The following RBCK1 variants were observed in gnomAD, a reference collection of about 807,000 sequenced individuals.
RBCK1 encodes ranBP-type and C3HC4-type zinc finger-containing protein 1.
Under a neutral mutation model 71.1 loss-of-function variants are expected in RBCK1, and 44 were observed. The ratio of observed to expected loss-of-function variants is 0.62; its 90% CI spans 0.49 to 0.80. The LOEUF (loss-of-function observed/expected upper bound fraction) is 0.80, where lower values mean the gene tolerates loss of function less well. Ranked by LOEUF, RBCK1 falls within the 30% of genes least tolerant of loss-of-function variation. The pLI is 0.00. For synonymous variants in RBCK1, 306 were observed against 279.7 expected (o/e 1.09, Z -0.94); for missense variants, 569 against 685.0 (o/e 0.83, Z 1.89).
chr20:408,581 G>C lies in RBCK1; in HGVS notation c.-177G>C. 1 of 774,748 alleles carries C rather than the reference G, an allele frequency of 1.3e-6. No individual in the cohort carries two copies. The highest frequency in any genetic ancestry group is 2.2e-6 in the Non-Finnish European group (1 of 461,612). The allele number at this position is 774,748 out of a possible 1,614,324, so 48.0% of individuals were successfully genotyped here. A position where few individuals can be genotyped will look rare whatever the true frequency, so the allele number is the denominator to read the frequency against. On this transcript the variant is annotated 5_prime_UTR_variant, in exon 1 of 12. Transcript: ENST00000356286. ...AGGATCCCGGCCTGGTCACCGGGCA[G>C]TGTGATGCTTCCCGACTGCCGCGGG...
rs1324773076 is a variant in RBCK1, at chr20:417,982, T to C, written c.460+52T>C. 6.5e-7 allele frequency: 1 copy of C among 1,548,816 alleles called. No individual in the cohort carries two copies. Among genetic ancestry groups the C allele is most frequent in the African/African-American group, 1.4e-5 (1 of 73,732 alleles). On this transcript the variant is annotated intron_variant, in intron 4 of 11. Transcript: ENST00000356286. The surrounding 1 kb of genome is among the most constrained non-coding windows in gnomAD (Gnocchi z 4.7). Reference sequence around the variant, plus strand: ...GACCCAGCGGGGGCCCTGGACTCACTTGAGGGCATAGGGCAAGCAGGGGCA... The same window carrying C: ...GACCCAGCGGGGGCCCTGGACTCACCTGAGGGCATAGGGCAAGCAGGGGCA...
In RBCK1 at chr20:417,914, G is replaced by A. The variant is rs755178275; in HGVS notation, c.444G>A (p.Gln148=). The change falls in exon 4 of 12, where the codon CAG becomes CAA. Residue 148 remains glutamine (Q), a synonymous_variant. Coordinates refer to ENST00000356286, the MANE Select transcript of RBCK1 (RefSeq NM_031229.4). The surrounding 1 kb of genome is among the most constrained non-coding windows in gnomAD (Gnocchi z 4.7). ...LNPQELQRER[Q]LRMLEDLGFK... Reference sequence around the variant, plus strand: ...CTCAGGAGCTGCAGCGGGAGCGGCAGCTGCGGATGCTGGAAGGTGAGGCTC... The same window carrying A: ...CTCAGGAGCTGCAGCGGGAGCGGCAACTGCGGATGCTGGAAGGTGAGGCTC... 9 of 1,607,596 alleles carry A rather than the reference G, an allele frequency of 5.6e-6. No homozygotes were observed. The African/African-American group carries it at 1.1e-4, about 19-fold the overall frequency.
Position 417,604 on chromosome 20 carries a change from G to GTC in RBCK1, c.251_252dup (p.Lys85SerfsTer19). The GTC allele has an allele frequency of 6.2e-7, 1 of 1,613,954 alleles. No individual in the cohort carries two copies. The highest frequency in any genetic ancestry group is 2.2e-5 in the East Asian group (1 of 44,880). On this transcript the variant is annotated frameshift_variant, in exon 3 of 12. Coordinates refer to ENST00000356286, the MANE Select transcript of RBCK1 (RefSeq NM_031229.4). LOFTEE classifies it high-confidence loss of function. This position sits in a 1 kb window ranked among gnomAD's most constrained non-coding sequence, Gnocchi z 4.7. ...CAGTGCGCCCTGATATGACAGTGGC[G>GTC]TCTCTCAAGGACATGGTGAGTGAGG...
At chr20:426,579 C>T (rs756276470) in intron 8 of RBCK1, among the ~76,000 whole-genome samples, 7 of 152,196 alleles carry the variant, frequency 4.6e-5, no homozygotes, top group South Asian at 2.1e-4. Flanking sequence ...ATATGTGCCA[C>T]GTTTTCTTTA....
rs777394647 is a variant in RBCK1, at chr20:430,695, G to A, written c.*265G>A. 14 of 525,352 alleles carry A rather than the reference G, an allele frequency of 2.7e-5. No individual in the cohort carries two copies. Among genetic ancestry groups the A allele is most frequent in the Non-Finnish European group, 4.5e-5 (13 of 289,652 alleles). The allele number at this position is 525,352 out of a possible 1,614,324, so 32.5% of individuals were successfully genotyped here. A position where few individuals can be genotyped will look rare whatever the true frequency, so the allele number is the denominator to read the frequency against. On this transcript the variant is annotated 3_prime_UTR_variant, in exon 12 of 12. Transcript: ENST00000356286. The surrounding 1 kb of genome is among the most constrained non-coding windows in gnomAD (Gnocchi z 5.6). ...CTGGCCAGAGGCCTTGCTGGGTGGA[G>A]CCTCTGTGTGACTCCATACTCCTCC...
chr20:411,981 T>C (rs900497226), intron 2 of RBCK1, among the ~76,000 whole-genome samples: 1 of 152,238 alleles, frequency 6.6e-6, no homozygotes, highest in Non-Finnish European at 1.5e-5. Flanking sequence ...CACGTTTTCA[T>C]TTCTCTTGGA....
chr20:421,171 A>C, intron 7 of RBCK1, 140 bp downstream of exon 7: 8 of 1,110,018 alleles, frequency 7.2e-6, no homozygotes, highest in Non-Finnish European at 9.9e-6. Flanking sequence ...CCGTCTCCCC[A>C]TGTTGCGGAC....
chr20:430,361 C>T lies in RBCK1; in HGVS notation c.1464C>T (p.Asp488=). 1 of 1,611,556 alleles carries T rather than the reference C, an allele frequency of 6.2e-7. No individual in the cohort carries two copies. The highest frequency in any genetic ancestry group is 2.2e-5 in the East Asian group (1 of 44,864). Residue 488 remains aspartate (D), a synonymous_variant, in exon 12 of 12, where the codon GAC becomes GAT. Coordinates refer to ENST00000356286, the MANE Select transcript of RBCK1 (RefSeq NM_031229.4). The surrounding 1 kb of genome is among the most constrained non-coding windows in gnomAD (Gnocchi z 5.6). ...CTCCCATCCTCTAGGGCCCAGGAGA[C>T]ACCAGCGGGGGCTGCCGCTGCAGGG... ...GPRWGPGGPG[D]TSGGCRCRVN... is the part of the protein sequence containing the mutation.
rs938342493 is a variant in RBCK1, at chr20:420,086, C to T, written c.756+355C>T. Reference sequence around the variant, plus strand: ...GACCCCAGCACCCTAGCCATGACCACACCTCAGCTCGGACCTCACCCCCAC... The same window carrying T: ...GACCCCAGCACCCTAGCCATGACCATACCTCAGCTCGGACCTCACCCCCAC... On this transcript the variant is annotated intron_variant, in intron 6 of 11. Coordinates refer to ENST00000356286, the MANE Select transcript of RBCK1 (RefSeq NM_031229.4). The T allele has an allele frequency of 7.1e-6, 7 of 985,114 alleles. No individual in the cohort carries two copies. In the African/African-American group the frequency reaches 1.2e-4, roughly 17 times the overall value. 61.0% of individuals were successfully genotyped at this position (985,114 alleles called of 1,614,324 possible).
chr20:414,091 C>CAAAA (rs11481454), intron 2 of RBCK1, among the ~76,000 whole-genome samples: 1 of 139,694 alleles, frequency 7.2e-6, no homozygotes. Context: ...GTGGTTCATA[C>CAAAA]AAAAAAAAAA....
chr20:431,278 T>A lies in RBCK1; in HGVS notation c.*848T>A, dbSNP rs986448859. On this transcript the variant is annotated 3_prime_UTR_variant, in exon 12 of 12. Coordinates refer to ENST00000356286, the MANE Select transcript of RBCK1 (RefSeq NM_031229.4). This position sits in a 1 kb window ranked among gnomAD's most constrained non-coding sequence, Gnocchi z 4.8. ...TTGCCACTCCTGCTCCCTTTTGACC[T>A]CTCAGCAGGCATCTAGGGTTGGCAG... Among the ~76,000 whole-genome samples the A allele has an allele frequency of 1.4e-4, 22 of 152,056 alleles. No individual in the cohort carries two copies. The highest frequency in any genetic ancestry group is 1.5e-4 in the Non-Finnish European group (10 of 68,010).
rs752266924 is a variant in RBCK1, at chr20:417,770, G to C, written c.300G>C (p.Gln100His). 3 of 1,613,968 alleles carry C rather than the reference G, an allele frequency of 1.9e-6. No homozygotes were observed. The African/African-American group carries it at 4.0e-5, about 22-fold the overall frequency. Reference sequence around the variant, plus strand: ...ATGGCTTCCCACCAGTCTTGCAGCAGTGGGTGATTGGGCAGCGGCTGGCAC... The same window carrying C: ...ATGGCTTCCCACCAGTCTTGCAGCACTGGGTGATTGGGCAGCGGCTGGCAC... Reference protein sequence around the residue: ...LDYGFPPVLQQWVIGQRLARD... With the variant: ...LDYGFPPVLQHWVIGQRLARD... Residue 100 changes from glutamine (Q) to histidine (H), a missense_variant, in exon 4 of 12, where the codon CAG (glutamine) becomes CAC (histidine). Around this residue, in one of 2 missense-constraint regions of RBCK1, gnomAD observed 358 missense variants for 375.6 expected, o/e 0.95. Transcript: ENST00000356286. This position sits in a 1 kb window ranked among gnomAD's most constrained non-coding sequence, Gnocchi z 4.7.
chr20:421,156 A>T, intron 7 of RBCK1, 125 bp downstream of exon 7: 1 of 1,211,844 alleles, frequency 8.3e-7, no homozygotes, highest in Admixed American at 2.8e-5. Context: ...CCTACGAGGT[A>T]GGCTCCGTCT....
intron 8 of RBCK1, among the ~76,000 whole-genome samples, chr20:424,461 T>TATTTCTCCTGAGAATGCTCCC (rs1229613520): frequency 6.6e-6 from 1 of 152,146 alleles, no homozygotes; most frequent in Non-Finnish European, 1.5e-5. Flanking sequence ...CCTATGCCCC[T>TATTTCTCCTGAGAATGCTCCC]ATTTCTCCTG....
chr20:417,951 C>T lies in RBCK1; in HGVS notation c.460+21C>T, dbSNP rs546230153. 19 of 1,594,584 alleles carry T rather than the reference C, an allele frequency of 1.2e-5. No individual in the cohort carries two copies. Among genetic ancestry groups the T allele is most frequent in the Admixed American group, 1.7e-5 (1 of 59,486 alleles). On this transcript the variant is annotated intron_variant, in intron 4 of 11. Transcript: ENST00000356286. This position sits in a 1 kb window ranked among gnomAD's most constrained non-coding sequence, Gnocchi z 4.7. ...GGAAGGTGAGGCTCTGCCCTGAGCA[C>T]CGCCGGACCCAGCGGGGGCCCTGGA... is the stretch of plus-strand genomic sequence containing the variant.
chr20:430,488 G>A lies in RBCK1; in HGVS notation c.*58G>A. ...CCCCACATCCACATTCTGTTAGAAT[G>A]TAGCTCAGGGAGCTTCGTGGACGGC... On this transcript the variant is annotated 3_prime_UTR_variant, in exon 12 of 12. Transcript: ENST00000356286. The surrounding 1 kb of genome is among the most constrained non-coding windows in gnomAD (Gnocchi z 5.6). 1.3e-6 allele frequency: 2 copies of A among 1,524,806 alleles called. No homozygotes were observed. The highest frequency in any genetic ancestry group is 1.8e-6 in the Non-Finnish European group (2 of 1,099,862). The allele number at this position is 1,524,806 out of a possible 1,614,324, so 94.5% of individuals were successfully genotyped here.
intron 4 of RBCK1, among the ~76,000 whole-genome samples, chr20:418,560 G>A (rs902962505): frequency 9.2e-5 from 14 of 152,016 alleles, no homozygotes; most frequent in Non-Finnish European, 1.5e-4. Context: ...AGTAGAGACG[G>A]GGTTTCACCG....
At position 417,558 on chromosome 20, in the gene RBCK1, A is replaced by G; in HGVS notation, c.200A>G (p.His67Arg). 1 of 1,613,856 alleles carries G rather than the reference A, an allele frequency of 6.2e-7. No homozygotes were observed. The highest frequency in any genetic ancestry group is 8.5e-7 in the Non-Finnish European group (1 of 1,180,000). ...GTGAGCGTGGAGGATGCTCAGATGC[A>G]CACCGTCACCATCTGGCTCACAGTG... ...LWVSVEDAQM[H>R]TVTIWLTVRP... Residue 67 changes from histidine (H) to arginine (R), a missense_variant, in exon 3 of 12, where the codon CAC becomes CGC. By Grantham distance (29) the His-to-Arg change is conservative. Around this residue, in one of 2 missense-constraint regions of RBCK1, gnomAD observed 358 missense variants for 375.6 expected, o/e 0.95. Coordinates refer to ENST00000356286, the MANE Select transcript of RBCK1 (RefSeq NM_031229.4). This position sits in a 1 kb window ranked among gnomAD's most constrained non-coding sequence, Gnocchi z 4.7.
rs1555788452 is a variant in RBCK1, at chr20:431,471, C to CTAAG, written c.*1043_*1046dup. Among the ~76,000 whole-genome samples, 1 of 152,208 alleles carries CTAAG rather than the reference C, an allele frequency of 6.6e-6. No individual in the cohort carries two copies. The highest frequency in any genetic ancestry group is 2.4e-5 in the African/African-American group (1 of 41,454). ...GACAGGGTCCTGGGATGTTCATTCTCTAAGTCTTTCCTCCGCTCTGTGACC... is the reference window on the plus strand; with the variant it reads ...GACAGGGTCCTGGGATGTTCATTCTCTAAGTAAGTCTTTCCTCCGCTCTGTGACC... On this transcript the variant is annotated 3_prime_UTR_variant, in exon 12 of 12. Transcript: ENST00000356286. The surrounding 1 kb of genome is among the most constrained non-coding windows in gnomAD (Gnocchi z 4.8).
Sources: gnomAD v4.1 joint callset for allele counts (sites outside exome capture counted in the v4.1 genomes callset) on GRCh38, gnomAD v4.1.1 for gene constraint, gnomAD v4.1.1 regional missense constraint, Gnocchi (gnomAD v3.1) non-coding constraint, MANE v1.5 for transcripts, NCBI Gene and HGNC (gene_info 2026-07-23, HGNC 2026-07-21) for gene names.